The following GCA variants were observed in gnomAD, a reference collection of about 807,000 sequenced individuals.
GCA encodes grancalcin, EF-hand calcium-binding protein.
Under a neutral mutation model 32.6 loss-of-function variants are expected in GCA, and 30 were observed. The ratio of observed to expected loss-of-function variants is 0.92; its 90% CI spans 0.69 to 1.25. The LOEUF (loss-of-function observed/expected upper bound fraction) is 1.25. Ranked by LOEUF, GCA falls within the 50% of genes most tolerant of loss-of-function variation. The pLI, the probability that GCA is intolerant of heterozygous loss-of-function variation, is 0.00. For synonymous variants in GCA, 102 were observed against 84.6 expected (o/e 1.21, Z -1.13); for missense variants, 291 against 266.8 (o/e 1.09, Z -0.63).
rs181287352 is a variant in GCA, at chr2:162,320,624, T to C, written c.-31+1399T>C. The stretch of plus-strand genomic sequence containing the variant: ...TGGTATTTGACCTGTTCTCAAATAA[T>C]AAACATTTAAACCAAAGATATTTAA... On this transcript the variant is annotated intron_variant, in intron 1 of 4. Coordinates refer to the GCA transcript ENST00000429691. 8.5e-5 allele frequency among the ~76,000 whole-genome samples: 13 copies of C among 152,338 alleles called. No individual in the cohort carries two copies. In the East Asian group the frequency reaches 2.3e-3, roughly 27 times the overall value.
upstream of GCA, among the ~76,000 whole-genome samples, chr2:162,343,147 T>C (rs762474928): frequency 4.6e-5 from 7 of 152,232 alleles, no homozygotes; most frequent in South Asian, 1.4e-3. Context: ...ATTTTTTTGA[T>C]AGCCTTATTT....
chr2:162,371,946 T>C, downstream of GCA: 1 of 1,613,894 alleles, frequency 6.2e-7, no homozygotes, highest in Non-Finnish European at 8.5e-7. Context: ...AAGTTTTTCT[T>C]TGCCGCAGGT....
chr2:162,325,489 G>A (rs1683841906), intron 1 of GCA, among the ~76,000 whole-genome samples: 1 of 152,106 alleles, frequency 6.6e-6, no homozygotes. Flanking sequence ...GAGATAGAGA[G>A]GTGTGTTTTA....
exon 1 of GCA, chr2:162,319,158 C>G: frequency 2.2e-6 from 1 of 456,764 alleles, no homozygotes; most frequent in Admixed American, 2.3e-5. Flanking sequence ...AGGAGGAAGT[C>G]CTTCCTAAAA....
At chr2:162,345,233 A>G (rs1471264529) in intron 1 of GCA, among the ~76,000 whole-genome samples, 5 of 151,972 alleles carry the variant, frequency 3.3e-5, no homozygotes, top group Non-Finnish European at 7.4e-5. Flanking sequence ...TTTCCTTAAG[A>G]CTTGCCTCAA....
downstream of GCA, among the ~76,000 whole-genome samples, chr2:162,364,661 G>A (rs918338995): frequency 2.0e-5 from 3 of 151,352 alleles, no homozygotes; most frequent in Admixed American, 6.6e-5. Flanking sequence ...CCACATTATG[G>A]CCAACACATT....
intron 1 of GCA, among the ~76,000 whole-genome samples, chr2:162,332,346 A>C (rs1373940788): frequency 6.8e-6 from 1 of 146,236 alleles, no homozygotes. Flanking sequence ...TATAATATAT[A>C]ATATTATTTA....
chr2:162,366,762 A>G (rs1453501815), downstream of GCA, among the ~76,000 whole-genome samples: 1 of 151,992 alleles, frequency 6.6e-6, no homozygotes, highest in Non-Finnish European at 1.5e-5. Flanking sequence ...ATGCAAATGT[A>G]TAAGTTTATG....
chr2:162,344,436 C>T, intron 1 of GCA, 161 bp downstream of exon 1: 1 of 681,978 alleles, frequency 1.5e-6, no homozygotes, highest in Non-Finnish European at 2.6e-6. Context: ...AGGGCCTGGG[C>T]GAGCATTGAT....
intron 1 of GCA, among the ~76,000 whole-genome samples, chr2:162,331,935 C>T (rs4664465): frequency 6.6e-6 from 1 of 152,152 alleles, no homozygotes; most frequent in Non-Finnish European, 1.5e-5. Context: ...TAGTCTGGAA[C>T]ATTCATCTGC....
chr2:162,353,926 T>G (rs1685126186), intron 3 of GCA, among the ~76,000 whole-genome samples: 2 of 152,100 alleles, frequency 1.3e-5, no homozygotes, highest in South Asian at 4.1e-4. Context: ...TTTTGGGAAT[T>G]TTCCTCAACT....
At chr2:162,346,325 T>C (rs1378944559) in intron 1 of GCA, among the ~76,000 whole-genome samples, 1 of 152,212 alleles carries the variant, frequency 6.6e-6, no homozygotes, top group African/African-American at 2.4e-5. Context: ...GAATAACTTT[T>C]AATCTGTTTT....
At chr2:162,325,170 G>A (rs1475689774) in intron 1 of GCA, among the ~76,000 whole-genome samples, 1 of 152,226 alleles carries the variant, frequency 6.6e-6, no homozygotes, top group Admixed American at 6.5e-5. Flanking sequence ...TCTTATGGGA[G>A]CAGTTAAACT....
At chr2:162,347,830 A>G (rs1197657074) in intron 2 of GCA, 88 bp downstream of exon 2, 2 of 738,094 alleles carry the variant, frequency 2.7e-6, no homozygotes, top group African/African-American at 3.6e-5. Flanking sequence ...TTTTAAATGT[A>G]TATGAAATTT....
chr2:162,360,975 G>A lies in GCA; in HGVS notation c.*732G>A. Reference sequence around the variant, plus strand: ...GTGAAGACATAGTTCACCTAAAATGGCATCCTGCTCTGAATCTAGACTTTT... The same window carrying A: ...GTGAAGACATAGTTCACCTAAAATGACATCCTGCTCTGAATCTAGACTTTT... On this transcript the variant is annotated 3_prime_UTR_variant, in exon 8 of 8. Coordinates refer to ENST00000437150, the MANE Select transcript of GCA (RefSeq NM_012198.5). 2.7e-6 allele frequency: 3 copies of A among 1,112,284 alleles called. No individual in the cohort carries two copies. The highest frequency in any genetic ancestry group is 3.3e-6 in the Non-Finnish European group (3 of 907,282). The allele number at this position is 1,112,284 out of a possible 1,614,324, so 68.9% of individuals were successfully genotyped here.
chr2:162,344,092 T>G, upstream of GCA: 1 of 736,746 alleles, frequency 1.4e-6, no homozygotes, highest in Admixed American at 2.1e-5. Flanking sequence ...GGGGCTGGCC[T>G]GCGGAAGGGG....
chr2:162,375,372 A>G (rs1686126994), downstream of GCA, among the ~76,000 whole-genome samples: 1 of 152,230 alleles, frequency 6.6e-6, no homozygotes, highest in Non-Finnish European at 1.5e-5. Context: ...GCTGTCTCTG[A>G]GAAATAAAAT....
exon 1 of GCA, chr2:162,319,044 C>A: frequency 2.4e-6 from 1 of 421,074 alleles, no homozygotes; most frequent in South Asian, 1.7e-5. Flanking sequence ...GGGAGTTACC[C>A]TCGGCTGGTG....
Position 162,356,853 on chromosome 2 carries a change from T to C in GCA, c.402T>C (p.Asp134=). The C allele has an allele frequency of 6.2e-7, 1 of 1,610,724 alleles. No individual in the cohort carries two copies. Among genetic ancestry groups the C allele is most frequent in the Non-Finnish European group, 8.5e-7 (1 of 1,177,554 alleles). ...WKENFMTVDQ[D]GSGTVEHHEL... Reference sequence around the variant, plus strand: ...AAAACTTCATGACTGTTGATCAAGATGGAAGTGGCACAGTAGAACATCATG... The same window carrying C: ...AAAACTTCATGACTGTTGATCAAGACGGAAGTGGCACAGTAGAACATCATG... Residue 134 remains aspartate, a synonymous_variant, in exon 5 of 8, where the codon GAT becomes GAC. Transcript: ENST00000437150.
Sources: allele counts gnomAD v4.1 joint callset (sites outside exome capture counted in the v4.1 genomes callset), GRCh38; gene constraint gnomAD v4.1.1; transcripts MANE v1.5; gene names NCBI Gene and HGNC (gene_info 2026-07-23, HGNC 2026-07-21).